TMEM132C: variants seen among roughly 807,000 people sequenced by gnomAD.
TMEM132C encodes the protein protein phosphatase 1, regulatory subunit 152.
Under a neutral mutation model 61.4 loss-of-function variants are expected in TMEM132C, and 29 were observed. The ratio of observed to expected loss-of-function variants is 0.47; its 90% CI spans 0.35 to 0.64. The LOEUF is 0.64. TMEM132C is among the 30% of genes least tolerant of loss of function. The probability of loss-of-function intolerance (pLI) is 0.00; values close to 1 mark genes in which losing one functional copy is unlikely to be tolerated. For synonymous variants in TMEM132C, 656 were observed against 633.1 expected (o/e 1.04, Z -0.54); for missense variants, 1,408 against 1,476.9 (o/e 0.95, Z 0.76).
intron 4 of TMEM132C, among the ~76,000 whole-genome samples, chr12:128,626,693 C>G (rs537250800): frequency 5.1e-4 from 77 of 152,248 alleles, no homozygotes; most frequent in African/African-American, 1.9e-3. Context: ...GATCCGCCTG[C>G]CTTGGCCTCC....
In TMEM132C at chr12:128,292,455, A is replaced by T. The variant is rs548115687; in HGVS notation, c.85+24968A>T. ...GTTTTTTCTAACTTGTTCCAGTAGA[A>T]TGTAAGCTCCTCGTGGGCATAGATT... On this transcript the variant is annotated intron_variant, in intron 1 of 8. Coordinates refer to ENST00000435159, the MANE Select transcript of TMEM132C (RefSeq NM_001136103.3). Among the ~76,000 whole-genome samples the T allele has an allele frequency of 1.4e-4, 22 of 152,150 alleles. 1 individual carries two copies. Among genetic ancestry groups the T allele is most frequent in the Non-Finnish European group, 3.2e-4 (22 of 68,036 alleles).
intron 2 of TMEM132C, among the ~76,000 whole-genome samples, chr12:128,513,575 G>A (rs563705565): frequency 6.6e-6 from 1 of 152,226 alleles, no homozygotes; most frequent in African/African-American, 2.4e-5. Flanking sequence ...AGTGAGATGT[G>A]CGTGAGAGGG....
intron 5 of TMEM132C, among the ~76,000 whole-genome samples, chr12:128,670,382 T>G (rs1037466203): frequency 7.2e-5 from 11 of 152,136 alleles, no homozygotes; most frequent in African/African-American, 2.7e-4. Context: ...ACATATTCCT[T>G]CTCCTGTCTA....
intron 3 of TMEM132C, among the ~76,000 whole-genome samples, chr12:128,576,963 G>A (rs1490874326): frequency 1.3e-5 from 2 of 151,960 alleles, no homozygotes; most frequent in Non-Finnish European, 2.9e-5. Context: ...CTTTTAAAGT[G>A]TACCATCCAA....
chr12:128,313,580 A>G (rs1191809402), intron 1 of TMEM132C, among the ~76,000 whole-genome samples: 1 of 152,232 alleles, frequency 6.6e-6, no homozygotes, highest in Non-Finnish European at 1.5e-5. Flanking sequence ...CCCAAACAGC[A>G]GCAGAACTTT....
At chr12:128,275,893 C>T (rs1166617236) in intron 1 of TMEM132C, among the ~76,000 whole-genome samples, 1 of 152,162 alleles carries the variant, frequency 6.6e-6, no homozygotes, top group Non-Finnish European at 1.5e-5. Context: ...TGCTGAGCCC[C>T]CAGGGGAGGA....
At chr12:128,638,116 T>C (rs960165080) in intron 4 of TMEM132C, among the ~76,000 whole-genome samples, 2 of 152,250 alleles carry the variant, frequency 1.3e-5, no homozygotes, top group Admixed American at 1.3e-4. Flanking sequence ...AGAACTGGAC[T>C]GGATAACCCT....
At chr12:128,680,997 T>C (rs1954629775) in intron 5 of TMEM132C, among the ~76,000 whole-genome samples, 1 of 152,172 alleles carries the variant, frequency 6.6e-6, no homozygotes, top group Non-Finnish European at 1.5e-5. Context: ...GACCCAGGTG[T>C]CTGGTTAGCC....
In TMEM132C at chr12:128,619,909, T is replaced by C. The variant is rs7979971; in HGVS notation, c.1305+3574T>C. ...CCAAGTGATAGTTTCTGTATGCGAG[T>C]GGCTGGGGTGCTGGTCTCTTTTTAA... On this transcript the variant is annotated intron_variant, in intron 4 of 8. Coordinates refer to ENST00000435159, the MANE Select transcript of TMEM132C (RefSeq NM_001136103.3). 3.8e-3 allele frequency among the ~76,000 whole-genome samples: 574 copies of C among 152,074 alleles called. 4 individuals carry two copies. Among genetic ancestry groups the C allele is most frequent in the African/African-American group, 0.013 (552 of 41,478 alleles).
intron 1 of TMEM132C, among the ~76,000 whole-genome samples, chr12:128,413,857 TA>T (rs1868656659): frequency 6.6e-6 from 1 of 152,220 alleles, no homozygotes; most frequent in Non-Finnish European, 1.5e-5. Flanking sequence ...TTTTTAATTA[TA>T]CAGGCAAATT....
intron 5 of TMEM132C, among the ~76,000 whole-genome samples, chr12:128,689,065 G>C (rs188274598): frequency 6.6e-6 from 1 of 151,836 alleles, no homozygotes; most frequent in African/African-American, 2.4e-5. Flanking sequence ...TGATCCGCCC[G>C]CCTCAGCCTC....
intron 2 of TMEM132C, among the ~76,000 whole-genome samples, chr12:128,535,268 C>T (rs187038590): frequency 1.3e-3 from 202 of 152,258 alleles, no homozygotes; most frequent in African/African-American, 4.5e-3. Flanking sequence ...AGCTACTGCA[C>T]GGCAAAAGAA....
chr12:128,352,070 G>A (rs906557827), intron 1 of TMEM132C, among the ~76,000 whole-genome samples: 7 of 152,122 alleles, frequency 4.6e-5, no homozygotes, highest in African/African-American at 9.7e-5. Context: ...TTGTATTCAG[G>A]TCTTCACTGA....
chr12:128,566,456 G>C (rs569978707), intron 3 of TMEM132C, among the ~76,000 whole-genome samples: 1 of 152,318 alleles, frequency 6.6e-6, no homozygotes, highest in Admixed American at 6.5e-5. Context: ...GTATTGGGTT[G>C]GTTCAACCAT....
chr12:128,317,218 T>C (rs538070434), intron 1 of TMEM132C, among the ~76,000 whole-genome samples: 2 of 152,302 alleles, frequency 1.3e-5, no homozygotes, highest in African/African-American at 4.8e-5. Flanking sequence ...CAAAACTTTC[T>C]CCTTTCTTAA....
intron 1 of TMEM132C, among the ~76,000 whole-genome samples, chr12:128,302,845 A>G (rs1236429635): frequency 1.3e-5 from 2 of 152,226 alleles, no homozygotes; most frequent in African/African-American, 4.8e-5. Context: ...AACCCTGGTG[A>G]ACTGTTTCAA....
intron 3 of TMEM132C, among the ~76,000 whole-genome samples, chr12:128,559,943 T>A (rs1164863543): frequency 6.6e-6 from 1 of 152,216 alleles, no homozygotes; most frequent in East Asian, 1.9e-4. Flanking sequence ...ATGACCAAAG[T>A]GTTCTCTTTA....
chr12:128,631,149 G>A (rs967888406), intron 4 of TMEM132C, among the ~76,000 whole-genome samples: 3 of 152,232 alleles, frequency 2.0e-5, no homozygotes, highest in African/African-American at 4.8e-5. Context: ...GCAGTGTTAT[G>A]TAATGGAGCT....
chr12:128,688,425 A>C (rs1242582994), intron 5 of TMEM132C, among the ~76,000 whole-genome samples: 1 of 152,172 alleles, frequency 6.6e-6, no homozygotes, highest in Admixed American at 6.5e-5. Flanking sequence ...GAGTATGAAA[A>C]CAATAGGCAA....
Sources: gnomAD v4.1 joint callset for allele counts (sites outside exome capture counted in the v4.1 genomes callset) on GRCh38, gnomAD v4.1.1 for gene constraint, MANE v1.5 for transcripts, NCBI Gene and HGNC (gene_info 2026-07-23, HGNC 2026-07-21) for gene names.